SVOP: variants seen among roughly 807,000 people sequenced by gnomAD.
SVOP encodes synaptic vesicle 2-related protein.
SVOP carries 17 observed loss-of-function variants against 69.1 expected under a neutral mutation model. The observed-to-expected ratio is 0.25, with a 90% CI of 0.17 to 0.37. The LOEUF is 0.37. Among genes scored for constraint, SVOP ranks in the 10% least tolerant of loss-of-function variants. The pLI is 1.00. For synonymous variants in SVOP, 238 were observed against 238.6 expected (o/e 1.00, Z 0.02); for missense variants, 435 against 597.5 (o/e 0.73, Z 2.84).
intron 1 of SVOP, among the ~76,000 whole-genome samples, chr12:109,005,107 G>A (rs1365765236): frequency 1.3e-5 from 2 of 152,096 alleles, no homozygotes; most frequent in African/African-American, 4.8e-5. Context: ...TTGAGTTCAG[G>A]CTATCAGAGT....
At chr12:108,977,349 C>T in intron 4 of SVOP, 49 bp downstream of exon 4, 2 of 1,529,310 alleles carry the variant, frequency 1.3e-6, no homozygotes, top group Non-Finnish European at 1.8e-6. Flanking sequence ...CAGGACACCC[C>T]AGGGGAGCAG....
chr12:108,972,890 G>C (rs979745200), intron 4 of SVOP, among the ~76,000 whole-genome samples: 1 of 152,226 alleles, frequency 6.6e-6, no homozygotes, highest in Non-Finnish European at 1.5e-5. Context: ...CAGGAGGCTG[G>C]CATGGGAGCT....
intron 1 of SVOP, among the ~76,000 whole-genome samples, chr12:109,011,002 C>T (rs142819371): frequency 6.6e-6 from 1 of 152,044 alleles, no homozygotes; most frequent in African/African-American, 2.4e-5. Flanking sequence ...TCAACCTCTG[C>T]CTCCTGGTTT....
intron 3 of SVOP, among the ~76,000 whole-genome samples, chr12:108,977,796 A>G (rs912666586): frequency 3.9e-5 from 6 of 152,212 alleles, no homozygotes; most frequent in Non-Finnish European, 8.8e-5. Context: ...AATCTGAGAA[A>G]AAAACATTTT....
rs1431633327 is a variant in SVOP at position 108,982,231 on chromosome 12, TC to T, written c.196+1369del. ...TCCATCATCATCTTCATCACCATAA[TC>T]ATCACTATCACCATCATTATCACCA... On this transcript the variant is annotated intron_variant, in intron 2 of 15. Coordinates refer to ENST00000610966, the MANE Select transcript of SVOP (RefSeq NM_018711.5). Among the ~76,000 whole-genome samples the T allele has an allele frequency of 2.7e-5, 4 of 150,028 alleles. No individual in the cohort carries two copies. In the East Asian group the frequency reaches 8.1e-4, roughly 30 times the overall value.
chr12:109,002,966 ATT>A (rs2040281732), intron 1 of SVOP, among the ~76,000 whole-genome samples: 1 of 145,608 alleles, frequency 6.9e-6, no homozygotes, highest in South Asian at 2.1e-4. Flanking sequence ...AATAAAAAAA[ATT>A]AAAAAATTAA....
At chr12:108,922,637 T>C (rs1017049316) in intron 12 of SVOP, 53 bp downstream of exon 12, 146 of 1,351,632 alleles carry the variant, frequency 1.1e-4, no homozygotes, top group Non-Finnish European at 1.4e-4. Flanking sequence ...GCTGAACAAT[T>C]GCCATATTCC....
chr12:108,914,435 C>T (rs2039701806), intron 15 of SVOP, among the ~76,000 whole-genome samples: 1 of 152,086 alleles, frequency 6.6e-6, no homozygotes, highest in East Asian at 1.9e-4. Context: ...TACTAAGATC[C>T]CTAGATACAA....
At chr12:108,970,564 A>G (rs1280603894) in intron 5 of SVOP, among the ~76,000 whole-genome samples, 1 of 151,134 alleles carries the variant, frequency 6.6e-6, no homozygotes, top group Non-Finnish European at 1.5e-5. Context: ...AGGTTTGTTG[A>G]GGTAGCCCAT....
chr12:108,948,157 C>T (rs533182545), intron 6 of SVOP, among the ~76,000 whole-genome samples: 18 of 152,300 alleles, frequency 1.2e-4, no homozygotes, highest in African/African-American at 4.1e-4. Context: ...GCAATGAACA[C>T]TCCCTTAGCT....
intron 10 of SVOP, among the ~76,000 whole-genome samples, chr12:108,936,794 AAT>A (rs1289847594): frequency 4.7e-5 from 7 of 149,198 alleles, no homozygotes; most frequent in African/African-American, 1.8e-4. Context: ...TTATCTCTTA[AAT>A]ACAGAGGCTC....
rs1336949954 is a variant in SVOP at position 108,927,884 on chromosome 12, C to T, written c.1049-5087G>A. Among the ~76,000 whole-genome samples the T allele has an allele frequency of 2.0e-5, 3 of 151,404 alleles. No homozygotes were observed. In the East Asian group the frequency reaches 5.8e-4, roughly 29 times the overall value. ...GTGCTGGGATTAAAGGCATGAGCCA[C>T]CATGCTCAGCTGACAAAAAACTCTT... On this transcript the variant is annotated intron_variant, in intron 11 of 15. Coordinates refer to ENST00000610966, the MANE Select transcript of SVOP (RefSeq NM_018711.5).
Position 108,943,043 on chromosome 12 carries a change from G to A in SVOP, c.642+2060C>T, listed in dbSNP as rs186816487. On this transcript the variant is annotated intron_variant, in intron 7 of 15. Coordinates refer to ENST00000610966, the MANE Select transcript of SVOP (RefSeq NM_018711.5). ...CAAAGTGCTGGGATTATAGGTGTGA[G>A]CCACTGTGCCCGGCCAATAGTCCCT... 7.6e-4 allele frequency among the ~76,000 whole-genome samples: 115 copies of A among 152,122 alleles called. 1 individual carries two copies. The highest frequency in any genetic ancestry group is 2.6e-3 in the African/African-American group (106 of 41,522).
At chr12:108,977,538 T>C in intron 3 of SVOP, 42 bp from the exon 4 acceptor site, 1 of 1,408,080 alleles carries the variant, frequency 7.1e-7, no homozygotes, top group East Asian at 2.5e-5. Flanking sequence ...GGATGCTGCT[T>C]GGTGCTGGGG....
chr12:108,987,357 A>C (rs1275295143), intron 1 of SVOP, among the ~76,000 whole-genome samples: 1 of 152,228 alleles, frequency 6.6e-6, no homozygotes, highest in Non-Finnish European at 1.5e-5. Context: ...GTTGATGGAC[A>C]GGTTGTTTCC....
intron 2 of SVOP, among the ~76,000 whole-genome samples, chr12:108,981,290 C>T (rs2040134031): frequency 6.6e-6 from 1 of 152,192 alleles, no homozygotes; most frequent in Non-Finnish European, 1.5e-5. Flanking sequence ...AGGATATGGA[C>T]TTGCCCTGTG....
At chr12:108,945,045 T>G in intron 7 of SVOP, 58 bp downstream of exon 7, 21 of 1,488,946 alleles carry the variant, frequency 1.4e-5, no homozygotes, top group Non-Finnish European at 1.4e-5. Context: ...TCAAGACATC[T>G]GAGAACCTCC....
At chr12:108,986,263 C>G (rs2040165317) in intron 1 of SVOP, among the ~76,000 whole-genome samples, 1 of 152,210 alleles carries the variant, frequency 6.6e-6, no homozygotes, top group Non-Finnish European at 1.5e-5. Flanking sequence ...CTAGAAGTCA[C>G]ATGGCTTGCC....
chr12:108,966,033 G>T (rs2040043878), intron 5 of SVOP, among the ~76,000 whole-genome samples: 2 of 126,886 alleles, frequency 1.6e-5, no homozygotes, highest in South Asian at 5.4e-4. Flanking sequence ...ATGACATCTT[G>T]CTCTGTCACC....
Sources: gnomAD v4.1 joint callset for allele counts (sites outside exome capture counted in the v4.1 genomes callset) on GRCh38, gnomAD v4.1.1 for gene constraint, MANE v1.5 for transcripts, NCBI Gene and HGNC (gene_info 2026-07-23, HGNC 2026-07-21) for gene names.